TTC23L: variants seen among roughly 807,000 people sequenced by gnomAD.
The protein encoded by TTC23L is tetratricopeptide repeat domain 23 like, also known as tetratricopeptide repeat protein 23-like.
Under a neutral mutation model 48.1 loss-of-function variants are expected in TTC23L, and 42 were observed. The ratio of observed to expected loss-of-function variants is 0.87; its 90% CI spans 0.68 to 1.13. TTC23L has a LOEUF of 1.13. TTC23L is among the 50% of genes most tolerant of loss of function. The pLI is 0.00. For synonymous variants in TTC23L, 159 were observed against 157.2 expected, an observed-to-expected ratio of 1.01 and a Z score of -0.09; for missense variants, 391 against 421.0, an observed-to-expected ratio of 0.93 and a Z score of 0.62.
At chr5:34,909,247 T>C in the TTC23L span, 1 of 1,567,270 alleles carries the variant, frequency 6.4e-7, no homozygotes, top group African/African-American at 1.4e-5. Context: ...ACCTCTATAT[T>C]AAGAACTGAC....
At chr5:34,895,028 C>A (rs553716401) in intron 9 of TTC23L, among the ~76,000 whole-genome samples, 1 of 152,270 alleles carries the variant, frequency 6.6e-6, no homozygotes, top group South Asian at 2.1e-4. Flanking sequence ...CTGATATTAG[C>A]ATGAGCTGTA....
rs1015039138 is a variant in TTC23L, at chr5:34,869,885, T to A, written c.949+872T>A. ...TTTAATTATTTTTTAAGCATAAACA[T>A]CCATTGAAGACTTCCTGATTCTTTG... On this transcript the variant is annotated intron_variant, in intron 8 of 10. Coordinates refer to ENST00000505624, the Ensembl canonical transcript of TTC23L. The A allele has an allele frequency of 1.4e-4, 21 of 152,278 alleles. 2 individuals are homozygous for A. Among genetic ancestry groups the A allele is most frequent in the Admixed American group, 1.3e-3 (20 of 15,296 alleles). 9.4% of individuals were successfully genotyped at this position (152,278 alleles called of 1,614,324 possible). A position where few individuals can be genotyped will look rare whatever the true frequency, so the allele number is the denominator to read the frequency against.
the TTC23L span, chr5:34,908,976 A>G: frequency 3.2e-6 from 5 of 1,563,140 alleles, no homozygotes; most frequent in Non-Finnish European, 2.6e-6. Flanking sequence ...AAACGCTGTT[A>G]TATCAACACA....
chr5:34,847,505 A>G (rs1472185889), intron 3 of TTC23L, among the ~76,000 whole-genome samples: 2 of 150,490 alleles, frequency 1.3e-5, no homozygotes, highest in Non-Finnish European at 2.9e-5. Flanking sequence ...TTTTAAATCA[A>G]ACCCAACCTA....
intron 1 of TTC23L, among the ~76,000 whole-genome samples, chr5:34,840,354 A>C (rs1292425144): frequency 3.3e-5 from 5 of 151,020 alleles, no homozygotes; most frequent in African/African-American, 1.2e-4. Context: ...ACAATATCTG[A>C]GTTAAGTAGG....
At chr5:34,923,223 C>T in the TTC23L span, 9 of 1,610,150 alleles carry the variant, frequency 5.6e-6, no homozygotes, top group East Asian at 2.2e-5. Context: ...GATATGGTTT[C>T]GGAACTTTCA....
At chr5:34,897,438 C>T (rs1561162920) in intron 10 of TTC23L, among the ~76,000 whole-genome samples, 1 of 151,630 alleles carries the variant, frequency 6.6e-6, no homozygotes, top group African/African-American at 2.4e-5. Context: ...ATATACAAAA[C>T]CTTCCTTATT....
At chr5:34,879,271 A>G (rs1377067507) in intron 8 of TTC23L, among the ~76,000 whole-genome samples, 2 of 152,352 alleles carry the variant, frequency 1.3e-5, no homozygotes, top group African/African-American at 2.4e-5. Context: ...AGCTGTGACT[A>G]CTATGCAATT....
chr5:34,880,645 C>A, intron 9 of TTC23L: 1 of 367,114 alleles, frequency 2.7e-6, no homozygotes, highest in Non-Finnish European at 5.2e-6. Context: ...CTCTGACAAA[C>A]TTTTTTTTTT....
At chr5:34,908,829 C>T in the TTC23L span, 4 of 1,613,050 alleles carry the variant, frequency 2.5e-6, no homozygotes, top group Non-Finnish European at 3.4e-6. Context: ...ACATATTTGT[C>T]CATCTTCATT....
intron 9 of TTC23L, chr5:34,880,645 CTTTTTT>C: frequency 2.7e-6 from 1 of 367,116 alleles, no homozygotes. Flanking sequence ...CTCTGACAAA[CTTTTTT>C]TTTTTTTTTG....
At chr5:34,915,922 C>A in the TTC23L span, 2 of 1,515,154 alleles carry the variant, frequency 1.3e-6, no homozygotes, top group Non-Finnish European at 1.8e-6. Flanking sequence ...CCCCGGGCTA[C>A]ACCTGCGGCG....
chr5:34,915,750 C>T, the TTC23L span: 17 of 1,603,006 alleles, frequency 1.1e-5, no homozygotes, highest in Non-Finnish European at 1.4e-5. Flanking sequence ...TGGCGGCAAC[C>T]AAGAGGAAAC....
rs763765896 is a variant in TTC23L at position 34,864,568 on chromosome 5, A to C, written c.662+6A>C. ...CTAACACTTGCTTTGGGCAGGTAAG[A>C]TCTGGGCTTGGAGAAGCTGAGGCTT... On this transcript the variant is annotated splice_donor_region_variant and intron_variant, in intron 6 of 10. Transcript: ENST00000505624. 6.2e-7 allele frequency: 1 copy of C among 1,610,298 alleles called. No individual in the cohort carries two copies. The highest frequency in any genetic ancestry group is 8.5e-7 in the Non-Finnish European group (1 of 1,178,068).
the TTC23L span, chr5:34,911,794 C>T: frequency 8.1e-6 from 13 of 1,614,120 alleles, no homozygotes; most frequent in African/African-American, 6.7e-5. Flanking sequence ...GTAACACATT[C>T]GAAGTGCAGT....
At chr5:34,864,295 A>G in intron 5 of TTC23L, 142 bp from the exon 6 acceptor site, 4 of 1,055,236 alleles carry the variant, frequency 3.8e-6, no homozygotes, top group African/African-American at 1.6e-5. Context: ...AACATAATAC[A>G]TGGAAAATAA....
chr5:34,874,618 G>A (rs534871140), intron 8 of TTC23L, among the ~76,000 whole-genome samples: 49 of 152,202 alleles, frequency 3.2e-4, no homozygotes, highest in African/African-American at 1.1e-3. Flanking sequence ...AGCTACTCAG[G>A]AGGCAGAGGT....
chr5:34,911,470 A>T, the TTC23L span: 1 of 1,492,656 alleles, frequency 6.7e-7, no homozygotes, highest in Non-Finnish European at 9.0e-7. Flanking sequence ...TGTGGATAAT[A>T]AAAATTTTGC....
chr5:34,921,889 A>G, the TTC23L span: 1 of 162,246 alleles, frequency 6.2e-6, no homozygotes, highest in African/African-American at 2.4e-5. Context: ...CCTGGGCAAC[A>G]AGAGCGAAAC....
Sources: allele counts gnomAD v4.1 joint callset (sites outside exome capture counted in the v4.1 genomes callset), GRCh38; gene constraint gnomAD v4.1.1; transcripts MANE v1.5; gene names NCBI Gene and HGNC (gene_info 2026-07-23, HGNC 2026-07-21).